The following RANBP2 variants were observed in gnomAD, a reference collection of about 807,000 sequenced individuals.
The protein encoded by RANBP2 is E3 SUMO-protein ligase RanBP2.
A neutral mutation model predicts 303.6 loss-of-function variants in RANBP2; 57 were observed. The observed-to-expected ratio is 0.19, with a 90% CI of 0.15 to 0.23. The LOEUF is 0.23. Among genes scored for constraint, RANBP2 ranks in the 10% least tolerant of loss-of-function variants. RANBP2 has a pLI of 1.00. For synonymous variants in RANBP2, 1,167 were observed against 1,301.5 expected (o/e 0.90, Z 2.23); for missense variants, 3,138 against 3,780.8 (o/e 0.83, Z 4.46).
At chr2:109,334,085 T>A in the RANBP2 span, among the ~76,000 whole-genome samples, 1 of 152,138 alleles carries the variant, frequency 6.6e-6, no homozygotes, top group Non-Finnish European at 1.5e-5. Context: ...AAAACCAGGT[T>A]CAGAGGCTCA....
At chr2:109,604,202 G>C in the RANBP2 span, among the ~76,000 whole-genome samples, 2 of 149,566 alleles carry the variant, frequency 1.3e-5, no homozygotes, top group South Asian at 4.3e-4. Context: ...AAATTAGCCA[G>C]GTGTGGTGGT....
the RANBP2 span, among the ~76,000 whole-genome samples, chr2:109,648,166 G>A: frequency 6.6e-6 from 1 of 152,156 alleles, no homozygotes; most frequent in Admixed American, 6.5e-5. Flanking sequence ...GTCCTCGGGT[G>A]GGAATGCTTG....
chr2:109,349,541 G>A, the RANBP2 span, among the ~76,000 whole-genome samples: 1 of 152,172 alleles, frequency 6.6e-6, no homozygotes, highest in Non-Finnish European at 1.5e-5. Flanking sequence ...GGTGCCCCAG[G>A]TGGTCACTCA....
At chr2:109,148,706 G>A in the RANBP2 span, among the ~76,000 whole-genome samples, 2 of 152,250 alleles carry the variant, frequency 1.3e-5, no homozygotes, top group Non-Finnish European at 1.5e-5. Flanking sequence ...GGCTGAAGAA[G>A]CAGAGCGTAA....
chr2:109,273,252 G>A, the RANBP2 span, among the ~76,000 whole-genome samples: 2 of 152,260 alleles, frequency 1.3e-5, no homozygotes, highest in Non-Finnish European at 2.9e-5. Context: ...GCCAGGCTGG[G>A]AAGGCACATG....
At chr2:108,826,622 T>G in the RANBP2 span, among the ~76,000 whole-genome samples, 1 of 152,220 alleles carries the variant, frequency 6.6e-6, no homozygotes, top group Non-Finnish European at 1.5e-5. Flanking sequence ...TTGTCTATCC[T>G]TATGCCGGTG....
the RANBP2 span, among the ~76,000 whole-genome samples, chr2:108,913,191 T>C: frequency 3.7e-4 from 57 of 152,194 alleles, no homozygotes; most frequent in Admixed American, 2.6e-4. Context: ...CCTTGTGATC[T>C]GCCCGCCTCG....
chr2:109,539,894 TATGG>T, the RANBP2 span, among the ~76,000 whole-genome samples: 2 of 152,206 alleles, frequency 1.3e-5, no homozygotes, highest in Non-Finnish European at 2.9e-5. Flanking sequence ...CCTTTCATTG[TATGG>T]ATGAACCACA....
chr2:108,794,502 T>C, the RANBP2 span: 1 of 1,547,314 alleles, frequency 6.5e-7, no homozygotes, highest in Non-Finnish European at 8.8e-7. Context: ...AACAATAAGT[T>C]AATAAAGTTT....
chr2:109,240,711 C>T, the RANBP2 span, among the ~76,000 whole-genome samples: 3 of 152,166 alleles, frequency 2.0e-5, no homozygotes, highest in Non-Finnish European at 4.4e-5. Context: ...TTCCCTCCCT[C>T]CCACCTCTGA....
the RANBP2 span, among the ~76,000 whole-genome samples, chr2:108,960,375 C>T: frequency 6.6e-6 from 1 of 152,216 alleles, no homozygotes; most frequent in African/African-American, 2.4e-5. Context: ...TCTCAAGACG[C>T]TCTTGCTGAT....
At chr2:109,184,794 A>G in the RANBP2 span, among the ~76,000 whole-genome samples, 1 of 152,224 alleles carries the variant, frequency 6.6e-6, no homozygotes, top group African/African-American at 2.4e-5. Flanking sequence ...TGTGCCACAT[A>G]CAAGAAAGTA....
At chr2:109,718,745 C>T in the RANBP2 span, among the ~76,000 whole-genome samples, 1 of 151,914 alleles carries the variant, frequency 6.6e-6, no homozygotes, top group African/African-American at 2.4e-5. Context: ...TTTGGGAGGT[C>T]GAGGCAGGCA....
At chr2:109,143,047 T>C in the RANBP2 span, among the ~76,000 whole-genome samples, 2 of 152,140 alleles carry the variant, frequency 1.3e-5, no homozygotes, top group Admixed American at 6.5e-5. Flanking sequence ...GGGATGCTGG[T>C]ATTCCTGGTG....
the RANBP2 span, among the ~76,000 whole-genome samples, chr2:109,034,270 C>CAAAAAAAAA: frequency 2.6e-5 from 1 of 38,094 alleles, no homozygotes; most frequent in Non-Finnish European, 4.1e-5. Flanking sequence ...GACTCCATCT[C>CAAAAAAAAA]AAAAAAAAAA....
the RANBP2 span, among the ~76,000 whole-genome samples, chr2:108,881,446 T>C: frequency 1.3e-5 from 2 of 152,252 alleles, no homozygotes. Context: ...GCAATAAGGC[T>C]GCTGTGTTTT....
the RANBP2 span, among the ~76,000 whole-genome samples, chr2:109,152,646 A>G: frequency 1.3e-5 from 2 of 152,174 alleles, no homozygotes; most frequent in Admixed American, 6.5e-5. Context: ...AAACGGCATT[A>G]TTTAATAAAG....
At chr2:109,277,684 C>G in the RANBP2 span, among the ~76,000 whole-genome samples, 1 of 152,192 alleles carries the variant, frequency 6.6e-6, no homozygotes, top group African/African-American at 2.4e-5. Context: ...CAGGGTGCCT[C>G]CCATTCATGA....
rs1678447703 is a variant in RANBP2, at chr2:108,784,063, T to C, written c.*162T>C. The C allele has an allele frequency of 1.5e-6, 1 of 682,614 alleles. No homozygotes were observed. Among genetic ancestry groups the C allele is most frequent in the Non-Finnish European group, 2.4e-6 (1 of 412,092 alleles). 42.3% of individuals were successfully genotyped at this position (682,614 alleles called of 1,614,324 possible). Reference sequence around the variant, plus strand: ...GTTGTCACTTTTTAATGTGTTATAATTGACCTTGCATGGTGTGAAATAAAA... The same window carrying C: ...GTTGTCACTTTTTAATGTGTTATAACTGACCTTGCATGGTGTGAAATAAAA... On this transcript the variant is annotated 3_prime_UTR_variant, in exon 29 of 29. Transcript: ENST00000283195.
Sources: allele counts gnomAD v4.1 joint callset (sites outside exome capture counted in the v4.1 genomes callset), GRCh38; gene constraint gnomAD v4.1.1; transcripts MANE v1.5; gene names NCBI Gene and HGNC (gene_info 2026-07-23, HGNC 2026-07-21).